The following RXFP2 variants were observed in gnomAD, a reference collection of about 807,000 sequenced individuals.
RXFP2 encodes the protein relaxin receptor 2.
Under a neutral mutation model 88.6 loss-of-function variants are expected in RXFP2, and 68 were observed. That is an observed-to-expected ratio of 0.77 (90% CI 0.63 to 0.94). The LOEUF is 0.94. RXFP2 is among the 40% of genes least tolerant of loss of function. RXFP2 has a pLI of 0.00. For synonymous variants in RXFP2, 329 were observed against 306.8 expected, an observed-to-expected ratio of 1.07 and a Z score of -0.76; for missense variants, 791 against 893.9, an observed-to-expected ratio of 0.88 and a Z score of 1.47.
chr13:31,744,684 G>A (rs1367003343), intron 1 of RXFP2, among the ~76,000 whole-genome samples: 6 of 149,554 alleles, frequency 4.0e-5, no homozygotes, highest in African/African-American at 1.5e-4. Context: ...TCTGATTCCA[G>A]TTTATTTTCT....
At chr13:31,788,814 T>A (rs928740769) in intron 13 of RXFP2, among the ~76,000 whole-genome samples, 1 of 152,152 alleles carries the variant, frequency 6.6e-6, no homozygotes, top group African/African-American at 2.4e-5. Context: ...TTACTTATAT[T>A]AATAAAATCA....
At position 31,774,680 on chromosome 13, in the gene RXFP2, T is replaced by C. The variant is rs1244028951; in HGVS notation, c.558T>C (p.Asn186=). The stretch of plus-strand genomic sequence containing the variant: ...GGAAAGCATTTTTTGGATTATGTAA[T>C]CTGCAAATATTGTGAGTAACCTCTT... ...ISRKAFFGLC[N]LQILYLNHNC... The change falls in exon 6 of 18, where the codon AAT becomes AAC. Residue 186 remains asparagine, a synonymous_variant. Coordinates refer to ENST00000298386, the MANE Select transcript of RXFP2 (RefSeq NM_130806.5). The C allele has an allele frequency of 3.3e-6, 5 of 1,500,016 alleles. No individual in the cohort carries two copies. The highest frequency in any genetic ancestry group is 2.8e-5 in the African/African-American group (2 of 72,710). 92.9% of individuals were successfully genotyped at this position (1,500,016 alleles called of 1,614,324 possible).
Position 31,786,656 on chromosome 13 carries a change from T to A in RXFP2, c.1073+19T>A. On this transcript the variant is annotated intron_variant, in intron 13 of 17. Transcript: ENST00000298386. ...AGTCTCTGTAAGTGAAATATTACAA[T>A]TATATTGATTATAATTTTAGTGGAT... is the stretch of plus-strand genomic sequence containing the variant. The A allele has an allele frequency of 2.9e-6, 4 of 1,402,200 alleles. No individual in the cohort carries two copies. Among genetic ancestry groups the A allele is most frequent in the Non-Finnish European group, 4.0e-6 (4 of 990,908 alleles). The allele number at this position is 1,402,200 out of a possible 1,614,324, so 86.9% of individuals were successfully genotyped here. A position where few individuals can be genotyped will look rare whatever the true frequency, so the allele number is the denominator to read the frequency against.
Position 31,791,752 on chromosome 13 carries a change from T to C in RXFP2, c.1146-54T>C. On this transcript the variant is annotated intron_variant, in intron 14 of 17. Transcript: ENST00000298386. ...GTTGCAGCCCCGATAGGACTGCAAC[T>C]GTAGGTTCTGTATCATTGCTGCAAA... 2.4e-6 allele frequency: 3 copies of C among 1,227,162 alleles called. No individual in the cohort carries two copies. In the South Asian group the frequency reaches 3.6e-5, roughly 15 times the overall value. 76.0% of individuals were successfully genotyped at this position (1,227,162 alleles called of 1,614,324 possible). A position where few individuals can be genotyped will look rare whatever the true frequency, so the allele number is the denominator to read the frequency against.
intron 5 of RXFP2, among the ~76,000 whole-genome samples, chr13:31,768,988 G>A (rs1009613132): frequency 7.2e-5 from 11 of 152,196 alleles, no homozygotes; most frequent in Admixed American, 7.2e-4. Flanking sequence ...CTCTTGGTAT[G>A]GAATCTGGTA....
At chr13:31,786,348 A>T (rs1428072324) in intron 11 of RXFP2, 35 bp from the exon 12 acceptor site, 1 of 1,401,824 alleles carries the variant, frequency 7.1e-7, no homozygotes. Flanking sequence ...TTTACTTCCA[A>T]AGTAATTGCT....
Position 31,797,374 on chromosome 13 carries a change from G to A in RXFP2, c.1960G>A (p.Val654Ile). ...VFSDAICWIP[V>I]FVVKILSLFR... ...CTCTGATGCCATCTGCTGGATTCCT[G>A]TATTTGTAGTTAAAATCCTTTCCCT... The change falls in exon 17 of 18, where the codon GTA becomes ATA. Residue 654 changes from valine (V) to isoleucine (I), a missense_variant. Coordinates refer to ENST00000298386, the MANE Select transcript of RXFP2 (RefSeq NM_130806.5). 1 of 1,614,052 alleles carries A rather than the reference G, an allele frequency of 6.2e-7. No individual in the cohort carries two copies. The highest frequency in any genetic ancestry group is 8.5e-7 in the Non-Finnish European group (1 of 1,179,978).
At chr13:31,744,489 T>C (rs1187134770) in intron 1 of RXFP2, among the ~76,000 whole-genome samples, 1 of 152,210 alleles carries the variant, frequency 6.6e-6, no homozygotes, top group Non-Finnish European at 1.5e-5. Context: ...GCAACATATC[T>C]CTCCAAAGGG....
chr13:31,776,092 C>CTT (rs1290220151), intron 7 of RXFP2, among the ~76,000 whole-genome samples: 1 of 68,734 alleles, frequency 1.5e-5, no homozygotes, highest in Admixed American at 1.4e-4. Context: ...TTCCTTCTTT[C>CTT]TTTCTTTTCT....
At chr13:31,752,605 A>T (rs1871720405) in intron 1 of RXFP2, among the ~76,000 whole-genome samples, 1 of 152,182 alleles carries the variant, frequency 6.6e-6, no homozygotes, top group Admixed American at 6.5e-5. Flanking sequence ...CTACCTTAGC[A>T]TTAAAGCCTT....
Position 31,786,604 on chromosome 13 carries a change from A to AACCC in RXFP2, c.1040_1041insACCC (p.Asn347LysfsTer5). On this transcript the variant is annotated frameshift_variant, in exon 13 of 18. Coordinates refer to ENST00000298386, the MANE Select transcript of RXFP2 (RefSeq NM_130806.5). LOFTEE classifies it high-confidence loss of function. ...AATCCTCTTATGTATCTTCACAAGA[A>AACCC]CCAGTTTGAAAGTCTTAAACAACTT... The AACCC allele has an allele frequency of 6.2e-7, 1 of 1,605,962 alleles. No homozygotes were observed. The highest frequency in any genetic ancestry group is 8.5e-7 in the Non-Finnish European group (1 of 1,173,006).
chr13:31,748,772 G>C lies in RXFP2; in HGVS notation c.94+9066G>C, dbSNP rs542131954. Among the ~76,000 whole-genome samples the C allele has an allele frequency of 2.0e-5, 3 of 152,226 alleles. No individual in the cohort carries two copies. In the South Asian group the frequency reaches 6.2e-4, roughly 32 times the overall value. On this transcript the variant is annotated intron_variant, in intron 1 of 17. Transcript: ENST00000298386. ...GAGGCCGAGGCGGGCAGATCACGAG[G>C]TCAGGAGATCGAGACCTACCTGGCC...
At chr13:31,749,066 A>C (rs1266447188) in intron 1 of RXFP2, among the ~76,000 whole-genome samples, 2 of 152,204 alleles carry the variant, frequency 1.3e-5, no homozygotes, top group Non-Finnish European at 2.9e-5. Flanking sequence ...CTTTATGATT[A>C]GTACTTTTAT....
At chr13:31,771,257 G>C (rs140615203) in intron 5 of RXFP2, among the ~76,000 whole-genome samples, 1 of 152,162 alleles carries the variant, frequency 6.6e-6, no homozygotes, top group Non-Finnish European at 1.5e-5. Context: ...ATCACAGAGC[G>C]GTACCAGTCT....
intron 2 of RXFP2, among the ~76,000 whole-genome samples, chr13:31,760,465 C>T (rs1486885671): frequency 1.3e-5 from 2 of 152,134 alleles, no homozygotes; most frequent in Admixed American, 6.6e-5. Context: ...GAGCTTAGAG[C>T]AGTAGAGTAC....
rs748473656 is a variant in RXFP2, at chr13:31,765,040, T to C, written c.323T>C (p.Leu108Pro). ...NSVALTQECF[L>P]KQYPQCCDCK... ...CTTACTCTTTTTGTCCCATTAGTTC[T>C]AAAACAGTATCCACAATGCTGTGAC... Residue 108 changes from leucine to proline, a missense_variant, in exon 4 of 18, where the codon CTA (leucine) becomes CCA (proline). Coordinates refer to ENST00000298386, the MANE Select transcript of RXFP2 (RefSeq NM_130806.5). 1 of 1,575,422 alleles carries C rather than the reference T, an allele frequency of 6.3e-7. No individual in the cohort carries two copies. The highest frequency in any genetic ancestry group is 2.2e-5 in the East Asian group (1 of 44,584).
chr13:31,756,304 C>T (rs748916621), intron 1 of RXFP2, among the ~76,000 whole-genome samples: 2 of 152,206 alleles, frequency 1.3e-5, no homozygotes, highest in Non-Finnish European at 2.9e-5. Flanking sequence ...TGTTCTCAGT[C>T]GTTTCCTCAT....
rs1873551271 is a variant in RXFP2 at position 31,786,520 on chromosome 13, A to G, written c.1002-46A>G. The G allele has an allele frequency of 2.6e-6, 4 of 1,532,502 alleles. No individual in the cohort carries two copies. In the Admixed American group the frequency reaches 5.0e-5, roughly 19 times the overall value. 94.9% of individuals were successfully genotyped at this position (1,532,502 alleles called of 1,614,324 possible). ...TATTTTGAGCTTTCAAAATAATAATACCTTCAAACTTCTTTTCCTCTCTCA... is the reference window on the plus strand; with the variant it reads ...TATTTTGAGCTTTCAAAATAATAATGCCTTCAAACTTCTTTTCCTCTCTCA... On this transcript the variant is annotated intron_variant, in intron 12 of 17. Coordinates refer to ENST00000298386, the MANE Select transcript of RXFP2 (RefSeq NM_130806.5).
chr13:31,771,018 T>C (rs768977186), intron 5 of RXFP2, among the ~76,000 whole-genome samples: 27 of 152,224 alleles, frequency 1.8e-4, no homozygotes, highest in Non-Finnish European at 2.9e-4. Flanking sequence ...AGAGTGAACA[T>C]GCAGTTTGCC....
Sources: allele counts gnomAD v4.1 joint callset (sites outside exome capture counted in the v4.1 genomes callset), GRCh38; gene constraint gnomAD v4.1.1; transcripts MANE v1.5; gene names NCBI Gene and HGNC (gene_info 2026-07-23, HGNC 2026-07-21).